The following ARAP2 variants were observed in gnomAD, a reference collection of about 807,000 sequenced individuals.
The protein encoded by ARAP2 is arf-GAP with Rho-GAP domain, ANK repeat and PH domain-containing protein 2.
In ARAP2, 148 loss-of-function variants were observed where a neutral mutation model predicts 194.5. The observed-to-expected ratio is 0.76, with a 90% CI of 0.67 to 0.87. The LOEUF is 0.87. ARAP2 is among the 40% of genes least tolerant of loss of function. The pLI, the probability that ARAP2 is intolerant of heterozygous loss-of-function variation, is 0.00. For synonymous variants in ARAP2, 695 were observed against 683.5 expected (o/e 1.02, Z -0.26); for missense variants, 2,128 against 1,989.7 (o/e 1.07, Z -1.32).
intron 3 of ARAP2, among the ~76,000 whole-genome samples, chr4:36,051,088 A>G (rs768804770): frequency 6.6e-6 from 1 of 152,232 alleles, no homozygotes; most frequent in Non-Finnish European, 1.5e-5. Flanking sequence ...TAAGACATAA[A>G]ATTCCTTTAG....
intron 14 of ARAP2, 118 bp from the exon 15 acceptor site, chr4:36,158,982 A>G (rs1184664345): frequency 1.0e-6 from 1 of 958,292 alleles, no homozygotes; most frequent in Non-Finnish European, 1.5e-6. Context: ...TTTACCAAAG[A>G]ATAATTACAG....
intron 2 of ARAP2, among the ~76,000 whole-genome samples, chr4:36,217,159 G>A (rs1748108523): frequency 6.6e-6 from 1 of 152,190 alleles, no homozygotes. Flanking sequence ...CAAATTACAT[G>A]CTTTAAAGGA....
At chr4:36,072,868 G>T (rs1431211725) in intron 32 of ARAP2, among the ~76,000 whole-genome samples, 3 of 152,016 alleles carry the variant, frequency 2.0e-5, no homozygotes, top group Non-Finnish European at 2.9e-5. Flanking sequence ...GTTCAAGAAA[G>T]GATATGCACA....
intron 11 of ARAP2, among the ~76,000 whole-genome samples, chr4:36,164,197 T>G (rs888132673): frequency 6.6e-6 from 1 of 152,188 alleles, no homozygotes; most frequent in East Asian, 1.9e-4. Flanking sequence ...TCTGTGTTTG[T>G]GTGTGTATGT....
chr4:36,162,129 C>T (rs987457388), intron 11 of ARAP2, among the ~76,000 whole-genome samples: 4 of 93,654 alleles, frequency 4.3e-5, no homozygotes, highest in Non-Finnish European at 8.2e-5. Flanking sequence ...AAAAGAACTA[C>T]ACTTACTTAA....
At chr4:36,182,011 G>A (rs1266080950) in intron 8 of ARAP2, among the ~76,000 whole-genome samples, 1 of 152,158 alleles carries the variant, frequency 6.6e-6, no homozygotes, top group African/African-American at 2.4e-5. Context: ...GAGCATTCTA[G>A]GATAAGGTGA....
intron 15 of ARAP2, among the ~76,000 whole-genome samples, chr4:36,151,362 T>G (rs912455502): frequency 1.3e-5 from 2 of 152,130 alleles, no homozygotes; most frequent in African/African-American, 4.8e-5. Context: ...CTGTAGAGTA[T>G]TAAAAGGAAA....
chr4:36,206,234 G>C (rs1209298581), intron 6 of ARAP2, among the ~76,000 whole-genome samples: 1 of 152,204 alleles, frequency 6.6e-6, no homozygotes, highest in Non-Finnish European at 1.5e-5. Flanking sequence ...ACTCCTCCCA[G>C]GTCTTGGGCT....
intron 5 of ARAP2, among the ~76,000 whole-genome samples, chr4:36,041,335 G>GA (rs567043977): frequency 4.3e-4 from 66 of 151,786 alleles, no homozygotes; most frequent in African/African-American, 1.6e-3. Context: ...ATTTACAAGA[G>GA]AAAAATATAC....
chr4:36,092,155 C>T lies in ARAP2; in HGVS notation c.4286-135G>A, dbSNP rs376212744. Reference sequence around the variant, plus strand: ...ACCGCTAAAGTCTAAGGTGAACTTCCGGGAATACCATGTGTCTGAAGTATA... The same window carrying T: ...ACCGCTAAAGTCTAAGGTGAACTTCTGGGAATACCATGTGTCTGAAGTATA... On this transcript the variant is annotated intron_variant, in intron 27 of 32. Transcript: ENST00000303965. 8.4e-4 allele frequency: 823 copies of T among 985,500 alleles called. 8 individuals are homozygous for T. The African/African-American group carries it at 0.011, about 13-fold the overall frequency. The allele number at this position is 985,500 out of a possible 1,614,324, so 61.0% of individuals were successfully genotyped here. A position where few individuals can be genotyped will look rare whatever the true frequency, so the allele number is the denominator to read the frequency against.
downstream of ARAP2, among the ~76,000 whole-genome samples, chr4:36,063,713 C>T (rs567554359): frequency 1.3e-5 from 2 of 152,288 alleles, no homozygotes; most frequent in South Asian, 4.1e-4. Flanking sequence ...AGTTGCCTTC[C>T]TTGTTCCTTG....
intron 9 of ARAP2, among the ~76,000 whole-genome samples, chr4:36,171,245 C>A (rs1736552131): frequency 6.6e-6 from 1 of 152,064 alleles, no homozygotes; most frequent in Non-Finnish European, 1.5e-5. Flanking sequence ...GCACTATTCA[C>A]AATAGCAAAG....
Position 36,148,474 on chromosome 4 carries a change from G to A in ARAP2, c.2931C>T (p.Ser977=), listed in dbSNP as rs574466757. ...CAGCTCCAAATAAAAACACACGTTC[G>A]GAGGGTAAGTAGATCTCAAAGATAA... ...PIFIFEIYLP[S]ERVFLFGAET... Residue 977 remains serine (S), a synonymous_variant, in exon 17 of 33, where the codon TCC becomes TCT. Coordinates refer to ENST00000303965, the MANE Select transcript of ARAP2 (RefSeq NM_015230.4). 69 of 1,612,946 alleles carry A rather than the reference G, an allele frequency of 4.3e-5. No homozygotes were observed. The East Asian group carries it at 8.0e-4, about 19-fold the overall frequency.
At chr4:36,185,174 A>C (rs1479748796) in intron 8 of ARAP2, among the ~76,000 whole-genome samples, 1 of 152,218 alleles carries the variant, frequency 6.6e-6, no homozygotes, top group African/African-American at 2.4e-5. Flanking sequence ...TTATTTACCA[A>C]AACAGGCACT....
rs553154465 is a variant in ARAP2, at chr4:36,117,008, G to A, written c.4038+53C>T. On this transcript the variant is annotated intron_variant, in intron 25 of 32. Transcript: ENST00000303965. The stretch of plus-strand genomic sequence containing the variant: ...GAAAATTCAAAATATATAAAATAAT[G>A]CTAACATTTGTGACTTCCAACAGTC... 55 of 1,189,506 alleles carry A rather than the reference G, an allele frequency of 4.6e-5. 1 individual carries two copies. In the African/African-American group the frequency reaches 8.3e-4, roughly 18 times the overall value. 73.7% of individuals were successfully genotyped at this position (1,189,506 alleles called of 1,614,324 possible).
chr4:36,218,314 C>G (rs1201617068), intron 2 of ARAP2, among the ~76,000 whole-genome samples: 1 of 151,930 alleles, frequency 6.6e-6, no homozygotes, highest in East Asian at 1.9e-4. Context: ...CTGTGGCCTA[C>G]TAGAAGTGGG....
At chr4:36,223,750 C>A (rs1013021012) in intron 2 of ARAP2, among the ~76,000 whole-genome samples, 1 of 151,710 alleles carries the variant, frequency 6.6e-6, no homozygotes, top group Non-Finnish European at 1.5e-5. Flanking sequence ...AGCCCAGGAA[C>A]AAAGCCCATA....
Position 36,123,790 on chromosome 4 carries a change from T to C in ARAP2, c.3746+1072A>G, listed in dbSNP as rs546727483. 3.3e-5 allele frequency among the ~76,000 whole-genome samples: 5 copies of C among 151,922 alleles called. No individual in the cohort carries two copies. The East Asian group carries it at 9.7e-4, about 30-fold the overall frequency. On this transcript the variant is annotated intron_variant, in intron 22 of 32. Coordinates refer to ENST00000303965, the MANE Select transcript of ARAP2 (RefSeq NM_015230.4). The stretch of plus-strand genomic sequence containing the variant: ...CATGACCTACAAAGCCTTCCACAAC[T>C]TCCTGCCAGCCAACTATAACTCTGT...
intron 6 of ARAP2, among the ~76,000 whole-genome samples, chr4:36,198,555 G>A (rs144190464): frequency 1.2e-3 from 177 of 152,314 alleles, no homozygotes; most frequent in African/African-American, 4.1e-3. Context: ...TGACCTCAGC[G>A]CTTCCTTGGC....
Sources: gnomAD v4.1 joint callset for allele counts (sites outside exome capture counted in the v4.1 genomes callset) on GRCh38, gnomAD v4.1.1 for gene constraint, MANE v1.5 for transcripts, NCBI Gene and HGNC (gene_info 2026-07-23, HGNC 2026-07-21) for gene names.